The following SLC44A5 variants were observed in gnomAD, a reference collection of about 807,000 sequenced individuals.
SLC44A5 encodes choline transporter-like protein 5.
SLC44A5 carries 57 observed loss-of-function variants against 101.8 expected under a neutral mutation model. That is an observed-to-expected ratio of 0.56 (90% CI 0.45 to 0.70). SLC44A5 has a LOEUF of 0.70. SLC44A5 is among the 30% of genes least tolerant of loss of function. The pLI, the probability that SLC44A5 is intolerant of heterozygous loss-of-function variation, is 0.00. For missense variants in SLC44A5, 737 were observed against 853.1 expected (o/e 0.86, Z 1.70); for synonymous variants, 281 against 290.9 (o/e 0.97, Z 0.35).
At chr1:75,599,409 C>T (rs560946691) in intron 1 of SLC44A5, among the ~76,000 whole-genome samples, 1 of 152,256 alleles carries the variant, frequency 6.6e-6, no homozygotes, top group Admixed American at 6.5e-5. Flanking sequence ...GACACTCTAA[C>T]CTGGGATGTT....
At chr1:75,706,919 A>C in the SLC44A5 span, among the ~76,000 whole-genome samples, 2 of 152,186 alleles carry the variant, frequency 1.3e-5, no homozygotes, top group Non-Finnish European at 2.9e-5. Flanking sequence ...CCTCAATTGC[A>C]GCTTTACTGA....
At chr1:75,412,715 T>G (rs1327904869) in intron 2 of SLC44A5, among the ~76,000 whole-genome samples, 1 of 152,198 alleles carries the variant, frequency 6.6e-6, no homozygotes, top group Non-Finnish European at 1.5e-5. Flanking sequence ...GTCATCCGTT[T>G]TAAATTGTAT....
chr1:75,684,086 T>C, the SLC44A5 span, among the ~76,000 whole-genome samples: 1 of 152,124 alleles, frequency 6.6e-6, no homozygotes, highest in African/African-American at 2.4e-5. Context: ...CAAAGGTACA[T>C]CTTACATGGT....
chr1:75,721,207 G>T, the SLC44A5 span, among the ~76,000 whole-genome samples: 1 of 152,082 alleles, frequency 6.6e-6, no homozygotes. Flanking sequence ...TTAAATTTTA[G>T]AGTGCCCTAG....
chr1:75,594,384 A>G (rs1307685580), intron 1 of SLC44A5, among the ~76,000 whole-genome samples: 2 of 152,118 alleles, frequency 1.3e-5, no homozygotes, highest in African/African-American at 4.8e-5. Flanking sequence ...AAATGTCATT[A>G]GTGTCTCCAA....
chr1:75,714,047 CT>C, the SLC44A5 span, among the ~76,000 whole-genome samples: 1 of 151,848 alleles, frequency 6.6e-6, no homozygotes, highest in African/African-American at 2.4e-5. Context: ...AGCCTCCTGC[CT>C]TGGCCTCCCA....
the SLC44A5 span, among the ~76,000 whole-genome samples, chr1:75,702,519 TAA>T: frequency 1.3e-5 from 2 of 152,098 alleles, no homozygotes; most frequent in East Asian, 3.9e-4. Context: ...CAAGATGGAT[TAA>T]AGACTTAAAT....
intron 6 of SLC44A5, among the ~76,000 whole-genome samples, chr1:75,253,895 A>G (rs919872345): frequency 1.3e-5 from 2 of 152,168 alleles, no homozygotes; most frequent in Non-Finnish European, 2.9e-5. Context: ...ATGTTTTGGA[A>G]TGAATGAGAC....
intron 1 of SLC44A5, among the ~76,000 whole-genome samples, chr1:75,564,854 C>A (rs1009265045): frequency 9.2e-5 from 14 of 152,104 alleles, no homozygotes; most frequent in African/African-American, 3.4e-4. Context: ...GATCTCCTGA[C>A]CTCATGATCC....
chr1:75,616,111 T>A (rs1036402472), upstream of SLC44A5, among the ~76,000 whole-genome samples: 6 of 151,854 alleles, frequency 4.0e-5, no homozygotes, highest in African/African-American at 1.4e-4. Context: ...GCCCCCCTCT[T>A]GCGCTGCTGT....
At chr1:75,533,058 C>T (rs1388226607) in intron 2 of SLC44A5, among the ~76,000 whole-genome samples, 3 of 152,136 alleles carry the variant, frequency 2.0e-5, no homozygotes, top group Non-Finnish European at 4.4e-5. Context: ...TCAAATTATG[C>T]CCCATTTCTA....
chr1:75,363,263 G>T (rs1659625402), intron 3 of SLC44A5, among the ~76,000 whole-genome samples: 1 of 151,864 alleles, frequency 6.6e-6, no homozygotes, highest in Non-Finnish European at 1.5e-5. Flanking sequence ...CAGTCATTCT[G>T]TCTTTTGATT....
the SLC44A5 span, among the ~76,000 whole-genome samples, chr1:75,657,545 C>CT: frequency 8.1e-6 from 1 of 123,388 alleles, no homozygotes; most frequent in Non-Finnish European, 1.7e-5. Context: ...AAGACTCTTT[C>CT]TTAAAAAAAA....
intron 1 of SLC44A5, among the ~76,000 whole-genome samples, chr1:75,602,221 C>T (rs560460615): frequency 1.3e-5 from 2 of 152,158 alleles, no homozygotes; most frequent in East Asian, 3.9e-4. Context: ...CTTCATTATA[C>T]CTAAGGTATT....
At chr1:75,290,402 A>C (rs1653442924) in intron 5 of SLC44A5, among the ~76,000 whole-genome samples, 1 of 152,224 alleles carries the variant, frequency 6.6e-6, no homozygotes, top group Admixed American at 6.5e-5. Flanking sequence ...GTGAAGGGAA[A>C]TAAGCAGGAG....
rs1450631284 is a variant in SLC44A5, at chr1:75,275,040, A to G, written c.178T>C (p.Trp60Arg). The part of the protein sequence containing the change: ...IGYIVLGLVA[W>R]VHGDPRRAAY... Reference sequence around the variant, plus strand: ...GCTCTTCTGGGGTCCCCATGTACCCAGGCTGCAGGAACAAGAAAGGACAAA... The same window carrying G: ...GCTCTTCTGGGGTCCCCATGTACCCGGGCTGCAGGAACAAGAAAGGACAAA... Residue 60 changes from tryptophan (W) to arginine (R), a missense_variant and splice_region_variant, in exon 6 of 24, where the codon TGG becomes CGG. By Grantham distance (101) the Trp-to-Arg change is moderately radical (BLOSUM62 -3). Around this residue, in one of 3 missense-constraint regions of SLC44A5, gnomAD observed 665 missense variants for 764.4 expected, o/e 0.87. Coordinates refer to ENST00000370859, the MANE Select transcript of SLC44A5 (RefSeq NM_001130058.2). 6.2e-7 allele frequency: 1 copy of G among 1,612,346 alleles called. No individual in the cohort carries two copies. Among genetic ancestry groups the G allele is most frequent in the Non-Finnish European group, 8.5e-7 (1 of 1,179,102 alleles).
intron 3 of SLC44A5, among the ~76,000 whole-genome samples, chr1:75,357,883 A>G (rs1412777594): frequency 6.6e-6 from 1 of 152,186 alleles, no homozygotes; most frequent in Admixed American, 6.5e-5. Flanking sequence ...TATATGTCAC[A>G]CATCACTTCC....
intron 2 of SLC44A5, among the ~76,000 whole-genome samples, chr1:75,461,333 GTAAGATAATATTA>G (rs1287559307): frequency 6.6e-6 from 1 of 152,120 alleles, no homozygotes; most frequent in Admixed American, 6.5e-5. Flanking sequence ...CTTTCTCCCT[GTAAGATAATATTA>G]TTTAGGTCAC....
chr1:75,658,921 A>T, the SLC44A5 span, among the ~76,000 whole-genome samples: 1 of 152,084 alleles, frequency 6.6e-6, no homozygotes, highest in Non-Finnish European at 1.5e-5. Flanking sequence ...AAAGAAATAA[A>T]ATCAGAAATG....
Sources: allele counts gnomAD v4.1 joint callset (sites outside exome capture counted in the v4.1 genomes callset), GRCh38; gene constraint gnomAD v4.1.1; regional missense constraint gnomAD v4.1.1; transcripts MANE v1.5; gene names NCBI Gene and HGNC (gene_info 2026-07-23, HGNC 2026-07-21).